The following SPAG17 variants were observed in gnomAD, a reference collection of about 807,000 sequenced individuals.
SPAG17 encodes sperm associated antigen 17, also known as sperm-associated antigen 17.
SPAG17 carries 169 observed loss-of-function variants against 273.6 expected under a neutral mutation model. That is an observed-to-expected ratio of 0.62 (90% confidence interval 0.55 to 0.70). The LOEUF is 0.70. SPAG17 is among the 30% of genes least tolerant of loss of function. The probability of loss-of-function intolerance (pLI) is 0.00; values close to 1 mark genes in which losing one functional copy is unlikely to be tolerated. For missense variants in SPAG17, 2,557 were observed against 2,627.8 expected (o/e 0.97, Z 0.59); for synonymous variants, 825 against 873.2 (o/e 0.94, Z 0.97).
intron 13 of SPAG17, among the ~76,000 whole-genome samples, chr1:118,085,526 G>A (rs930942902): frequency 1.3e-5 from 2 of 151,970 alleles, no homozygotes; most frequent in South Asian, 2.1e-4. Context: ...GCGTGCATAC[G>A]CGTGCGCGCG....
intron 15 of SPAG17, among the ~76,000 whole-genome samples, chr1:118,077,359 C>T (rs1654186235): frequency 1.3e-5 from 2 of 152,026 alleles, no homozygotes. Context: ...GAGATCCACC[C>T]TCCAGATTGC....
intron 43 of SPAG17, among the ~76,000 whole-genome samples, chr1:117,974,233 C>T (rs1195134807): frequency 6.6e-6 from 1 of 152,012 alleles, no homozygotes; most frequent in Non-Finnish European, 1.5e-5. Context: ...GTGTAAACAG[C>T]TTATTTAAAA....
chr1:118,126,171 C>G (rs1657715806), intron 3 of SPAG17, among the ~76,000 whole-genome samples: 2 of 138,270 alleles, frequency 1.4e-5, no homozygotes, highest in East Asian at 4.2e-4. Flanking sequence ...TACATGTTCT[C>G]TTTTGAGAAA....
intron 3 of SPAG17, among the ~76,000 whole-genome samples, chr1:118,147,721 C>T (rs1030686792): frequency 3.9e-5 from 6 of 152,218 alleles, no homozygotes; most frequent in African/African-American, 1.2e-4. Flanking sequence ...CATAATGAGG[C>T]TGTGTGTACA....
At chr1:118,054,520 GA>G (rs1290792896) in intron 19 of SPAG17, among the ~76,000 whole-genome samples, 7 of 152,004 alleles carry the variant, frequency 4.6e-5, no homozygotes, top group African/African-American at 1.4e-4. Flanking sequence ...ACCTGAAATT[GA>G]ATGCAATATC....
intron 13 of SPAG17, among the ~76,000 whole-genome samples, chr1:118,085,032 T>C (rs1654875414): frequency 6.6e-6 from 1 of 152,200 alleles, no homozygotes; most frequent in Non-Finnish European, 1.5e-5. Context: ...AAATATGAGC[T>C]TCCAGTAGCA....
Position 118,055,812 on chromosome 1 carries a change from T to C in SPAG17, c.2643A>G (p.Arg881=). The stretch of plus-strand genomic sequence containing the variant: ...CAGAAGATTTCAATTCCAGCTCAGC[T>C]CTGGTCCTGATGATTTTCTCATTCA... ...SKMNEKIIRT[R]AELELKSSAN... Residue 881 remains arginine (R), a synonymous_variant, in exon 19 of 49, where the codon AGA becomes AGG. Coordinates refer to ENST00000336338, the MANE Select transcript of SPAG17 (RefSeq NM_206996.4). The C allele has an allele frequency of 6.2e-7, 1 of 1,613,340 alleles. No individual in the cohort carries two copies. The highest frequency in any genetic ancestry group is 8.5e-7 in the Non-Finnish European group (1 of 1,179,704).
chr1:118,099,516 G>T (rs1655922490), intron 6 of SPAG17, 90 bp downstream of exon 6: 1 of 1,175,190 alleles, frequency 8.5e-7, no homozygotes, highest in Non-Finnish European at 1.3e-6. Context: ...CTAATTGTAA[G>T]ACTATGTTTT....
At chr1:117,984,125 G>A (rs1167976290) in intron 41 of SPAG17, among the ~76,000 whole-genome samples, 1 of 152,158 alleles carries the variant, frequency 6.6e-6, no homozygotes, top group Non-Finnish European at 1.5e-5. Context: ...AATTTTCATA[G>A]AAATGCAGGG....
chr1:117,966,171 A>G (rs1653817323), intron 47 of SPAG17: 1 of 154,058 alleles, frequency 6.5e-6, no homozygotes, highest in African/African-American at 2.4e-5. Flanking sequence ...TTTATACAGT[A>G]CCTTGGAGGT....
At chr1:117,976,281 G>T (rs1655124953) in intron 43 of SPAG17, among the ~76,000 whole-genome samples, 1 of 152,198 alleles carries the variant, frequency 6.6e-6, no homozygotes, top group South Asian at 2.1e-4. Flanking sequence ...TTTAGTATTT[G>T]AACAACTGGT....
At chr1:118,106,801 C>G (rs1327093811) in intron 4 of SPAG17, among the ~76,000 whole-genome samples, 2 of 152,212 alleles carry the variant, frequency 1.3e-5, no homozygotes, top group African/African-American at 4.8e-5. Flanking sequence ...TCCTCCCCAT[C>G]ATGTGTTAGA....
At chr1:118,149,307 C>T (rs1034108178) in intron 3 of SPAG17, among the ~76,000 whole-genome samples, 6 of 152,150 alleles carry the variant, frequency 3.9e-5, no homozygotes, top group Admixed American at 1.3e-4. Context: ...GTCAGAATGC[C>T]TGTCCAGACT....
chr1:118,006,832 G>T (rs958299138), intron 31 of SPAG17, among the ~76,000 whole-genome samples: 2 of 152,178 alleles, frequency 1.3e-5, no homozygotes, highest in African/African-American at 4.8e-5. Flanking sequence ...ATATCTCATT[G>T]CAGTTTGCGC....
intron 4 of SPAG17, among the ~76,000 whole-genome samples, chr1:118,103,395 A>C (rs755834667): frequency 3.9e-5 from 6 of 152,190 alleles, no homozygotes; most frequent in Non-Finnish European, 5.9e-5. Context: ...CTATTCATTC[A>C]TTCATTCAGT....
chr1:118,105,073 T>C (rs762697090), intron 4 of SPAG17, among the ~76,000 whole-genome samples: 1 of 151,990 alleles, frequency 6.6e-6, no homozygotes, highest in East Asian at 1.9e-4. Context: ...TGGACCTTGA[T>C]AGAAGGAGAG....
At chr1:118,185,021 G>T in intron 1 of SPAG17, 50 bp downstream of exon 1, 1 of 1,518,334 alleles carries the variant, frequency 6.6e-7, no homozygotes, top group Non-Finnish European at 9.1e-7. Flanking sequence ...GTCTGGCCGG[G>T]CCTCTGGCAT....
chr1:118,145,185 C>T (rs1205488635), intron 3 of SPAG17, among the ~76,000 whole-genome samples: 1 of 152,198 alleles, frequency 6.6e-6, no homozygotes. Flanking sequence ...TTGTACCTAT[C>T]TCTGAAGCAT....
At chr1:117,995,926 G>C (rs12131994) in intron 34 of SPAG17, among the ~76,000 whole-genome samples, 9,982 of 152,096 alleles carry the variant, frequency 0.066, 532 homozygotes, top group East Asian at 0.31. Context: ...GCTTATATAA[G>C]TTACCGGGTA....
Sources: allele counts gnomAD v4.1 joint callset (sites outside exome capture counted in the v4.1 genomes callset), GRCh38; gene constraint gnomAD v4.1.1; transcripts MANE v1.5; gene names NCBI Gene and HGNC (gene_info 2026-07-23, HGNC 2026-07-21).